RNF150: variants seen among roughly 807,000 people sequenced by gnomAD.
The protein encoded by RNF150 is ring finger protein 150.
Under a neutral mutation model 39.3 loss-of-function variants are expected in RNF150, and 24 were observed. The observed-to-expected ratio is 0.61, with a 90% CI of 0.44 to 0.86. The LOEUF (loss-of-function observed/expected upper bound fraction) is 0.86, where lower values mean the gene tolerates loss of function less well. RNF150 is among the 40% of genes least tolerant of loss of function. RNF150 has a pLI of 0.00. For synonymous variants in RNF150, 255 were observed against 227.3 expected, an observed-to-expected ratio of 1.12 and a Z score of -1.10; for missense variants, 502 against 587.8, an observed-to-expected ratio of 0.85 and a Z score of 1.51.
At chr4:141,070,746 G>T (rs1484230958) in intron 1 of RNF150, among the ~76,000 whole-genome samples, 1 of 137,856 alleles carries the variant, frequency 7.3e-6, no homozygotes, top group African/African-American at 2.5e-5. Flanking sequence ...GTGCTGGAGA[G>T]GATGTGGAGA....
At chr4:141,046,022 T>C (rs181311054) in intron 1 of RNF150, among the ~76,000 whole-genome samples, 1 of 152,164 alleles carries the variant, frequency 6.6e-6, no homozygotes, top group African/African-American at 2.4e-5. Flanking sequence ...AAATAAATGA[T>C]AAATATAAAA....
chr4:140,935,023 TATATTTATAATATATATATATAAATATA>T (rs1731790093), intron 4 of RNF150, among the ~76,000 whole-genome samples: 2 of 33,904 alleles, frequency 5.9e-5, no homozygotes, highest in Admixed American at 1.1e-3. Context: ...ATATATATTA[TATATTTATAATATATATATATAAATATA>T]TATATTATAT....
chr4:140,949,146 TTTAA>T (rs1368931441), intron 3 of RNF150, among the ~76,000 whole-genome samples, 151 bp downstream of exon 3: 1 of 152,186 alleles, frequency 6.6e-6, no homozygotes, highest in Non-Finnish European at 1.5e-5. Flanking sequence ...AAACTTCATG[TTTAA>T]TTAAGAAGAG....
chr4:140,899,944 T>TTCTCTCTCTCTCTCTCTCTCTCTCTC lies in RNF150; in HGVS notation c.1198+11174_1198+11199dup, dbSNP rs60297205. ...ATCCTAGTAGGTTCTCTCTCTCACT[T>TTCTCTCTCTCTCTCTCTCTCTCTCTC]TCTCTCTCTCTCTCTCTCTCTCTCT... is the stretch of plus-strand genomic sequence containing the variant. On this transcript the variant is annotated intron_variant, in intron 6 of 6. Coordinates refer to ENST00000515673, the MANE Select transcript of RNF150 (RefSeq NM_020724.2). 1.5e-3 allele frequency among the ~76,000 whole-genome samples: 162 copies of TTCTCTCTCTCTCTCTCTCTCTCTCTC among 109,986 alleles called. 5 individuals are homozygous for TTCTCTCTCTCTCTCTCTCTCTCTCTC. Among genetic ancestry groups the TTCTCTCTCTCTCTCTCTCTCTCTCTC allele is most frequent in the Admixed American group, 1.7e-3 (16 of 9,208 alleles). The allele number at this position is 109,986 out of a possible 152,430, so 72.2% of individuals were successfully genotyped here. A position where few individuals can be genotyped will look rare whatever the true frequency, so the allele number is the denominator to read the frequency against.
At chr4:141,149,114 T>A (rs1253038415) in intron 1 of RNF150, among the ~76,000 whole-genome samples, 1 of 152,186 alleles carries the variant, frequency 6.6e-6, no homozygotes, top group East Asian at 1.9e-4. Context: ...TGAACATTTT[T>A]AAATTTTATC....
At chr4:141,174,798 A>G (rs756382834) in intron 1 of RNF150, among the ~76,000 whole-genome samples, 3 of 152,006 alleles carry the variant, frequency 2.0e-5, no homozygotes, top group Non-Finnish European at 4.4e-5. Flanking sequence ...ATAAAGTTGG[A>G]AGAGAATATA....
intron 1 of RNF150, among the ~76,000 whole-genome samples, chr4:141,064,413 C>T (rs1436198271): frequency 6.6e-6 from 1 of 152,082 alleles, no homozygotes; most frequent in African/African-American, 2.4e-5. Context: ...GTCTAGAATG[C>T]CTTGAACACC....
In RNF150 at chr4:141,061,005, G is replaced by A. The variant is rs575485030; in HGVS notation, c.484+71320C>T. 5.3e-5 allele frequency among the ~76,000 whole-genome samples: 8 copies of A among 152,248 alleles called. No individual in the cohort carries two copies. The South Asian group carries it at 1.7e-3, about 32-fold the overall frequency. Reference sequence around the variant, plus strand: ...GCCTTTTGCGGGGTCGGGGGCTAGGGAAGGGACAGTATTAGGAGAAATACC... The same window carrying A: ...GCCTTTTGCGGGGTCGGGGGCTAGGAAAGGGACAGTATTAGGAGAAATACC... On this transcript the variant is annotated intron_variant, in intron 1 of 6. Transcript: ENST00000515673.
intron 1 of RNF150, among the ~76,000 whole-genome samples, chr4:141,185,604 T>G (rs1364721569): frequency 6.6e-6 from 1 of 152,248 alleles, no homozygotes; most frequent in African/African-American, 2.4e-5. Context: ...CCTTGTCTTG[T>G]GCCAGTTTTC....
chr4:141,140,854 C>A (rs1727107016), intron 1 of RNF150, among the ~76,000 whole-genome samples: 1 of 152,148 alleles, frequency 6.6e-6, no homozygotes, highest in African/African-American at 2.4e-5. Flanking sequence ...AGGCCCATTC[C>A]CACAGGGCTG....
At chr4:140,911,572 A>G (rs1730608034) in intron 5 of RNF150, among the ~76,000 whole-genome samples, 1 of 152,210 alleles carries the variant, frequency 6.6e-6, no homozygotes, top group South Asian at 2.1e-4. Context: ...TAGATTGAAA[A>G]GATTCCTTTT....
chr4:141,119,544 G>A (rs1338007739), intron 1 of RNF150, among the ~76,000 whole-genome samples: 2 of 152,146 alleles, frequency 1.3e-5, no homozygotes, highest in African/African-American at 2.4e-5. Context: ...TATCCATTCT[G>A]TTATCTATAG....
At chr4:141,113,474 C>T (rs1739456776) in intron 1 of RNF150, among the ~76,000 whole-genome samples, 1 of 152,006 alleles carries the variant, frequency 6.6e-6, no homozygotes, top group Non-Finnish European at 1.5e-5. Flanking sequence ...GCTAACTATC[C>T]TAAATATATA....
intron 1 of RNF150, among the ~76,000 whole-genome samples, chr4:141,014,792 TG>T (rs994538075): frequency 1.4e-5 from 2 of 144,506 alleles, no homozygotes; most frequent in African/African-American, 5.0e-5. Flanking sequence ...TCCTTTACTT[TG>T]TTGTTTCCTG....
At chr4:141,163,072 G>A (rs1186411667) in intron 1 of RNF150, among the ~76,000 whole-genome samples, 1 of 152,188 alleles carries the variant, frequency 6.6e-6, no homozygotes, top group African/African-American at 2.4e-5. Flanking sequence ...CTCATTGCCA[G>A]CACAGCAGTC....
chr4:141,067,590 A>G (rs1737512032), intron 1 of RNF150, among the ~76,000 whole-genome samples: 1 of 152,216 alleles, frequency 6.6e-6, no homozygotes, highest in Non-Finnish European at 1.5e-5. Context: ...TTTAGGGCAT[A>G]TCATCTCCTA....
At chr4:141,032,745 A>T (rs1735997908) in intron 1 of RNF150, among the ~76,000 whole-genome samples, 1 of 152,154 alleles carries the variant, frequency 6.6e-6, no homozygotes, top group Admixed American at 6.5e-5. Context: ...TAATAAGGTA[A>T]ATATCACAAT....
chr4:141,194,161 T>A (rs1443914301), intron 1 of RNF150, among the ~76,000 whole-genome samples: 4 of 152,206 alleles, frequency 2.6e-5, no homozygotes. Flanking sequence ...ATCTGACAGG[T>A]ACCCATTGCT....
chr4:141,010,697 T>C (rs1014587603), intron 1 of RNF150, among the ~76,000 whole-genome samples: 1 of 151,978 alleles, frequency 6.6e-6, no homozygotes, highest in Non-Finnish European at 1.5e-5. Flanking sequence ...AGACCATACA[T>C]CAAAGTTCTA....
Sources: gnomAD v4.1 joint callset for allele counts (sites outside exome capture counted in the v4.1 genomes callset) on GRCh38, gnomAD v4.1.1 for gene constraint, MANE v1.5 for transcripts, NCBI Gene and HGNC (gene_info 2026-07-23, HGNC 2026-07-21) for gene names.